FDFT1: variants seen among roughly 807,000 people sequenced by gnomAD.
FDFT1 encodes farnesyl-diphosphate farnesyltransferase 1, also known as squalene synthase.
In FDFT1, 68 loss-of-function variants were observed where a neutral mutation model predicts 46.8. That is an observed-to-expected ratio of 1.45 (90% CI 1.19 to 1.78). FDFT1 has a LOEUF of 1.78. Ranked by LOEUF, FDFT1 falls within the 40% of genes most tolerant of loss-of-function variation. The probability of loss-of-function intolerance (pLI) is 0.00; values close to 1 mark genes in which losing one functional copy is unlikely to be tolerated. For missense variants in FDFT1, 928 were observed against 524.4 expected (o/e 1.77, Z -7.52); for synonymous variants, 351 against 185.1 (o/e 1.90, Z -7.28).
In FDFT1 at chr8:11,838,495, C is replaced by A. The variant is rs981300579; in HGVS notation, c.1140C>A (p.Ser380Arg). Residue 380 changes from serine (S) to arginine (R), a missense_variant, in exon 8 of 8, where the codon AGC (serine) becomes AGA (arginine). Coordinates refer to ENST00000220584, the MANE Select transcript of FDFT1 (RefSeq NM_004462.5). The stretch of plus-strand genomic sequence containing the variant: ...CCAACTGTCAGCTGATTTCCCGAAG[C>A]CACTACTCCCCCATCTACCTGTCGT... ...NLPNCQLISRSHYSPIYLSFV... is the reference protein window; with the variant it reads ...NLPNCQLISRRHYSPIYLSFV... 3 of 1,606,290 alleles carry A rather than the reference C, an allele frequency of 1.9e-6. No homozygotes were observed. The highest frequency in any genetic ancestry group is 2.6e-6 in the Non-Finnish European group (3 of 1,175,270).
chr8:11,816,557 G>GTAGT (rs1342754330), intron 3 of FDFT1, among the ~76,000 whole-genome samples: 1 of 152,138 alleles, frequency 6.6e-6, no homozygotes, highest in Non-Finnish European at 1.5e-5. Context: ...GCAGTGGTTT[G>GTAGT]TAGTTCTCTT....
chr8:11,808,268 G>A (rs1256731393), intron 1 of FDFT1: 9 of 1,215,380 alleles, frequency 7.4e-6, no homozygotes, highest in Non-Finnish European at 9.2e-6. Flanking sequence ...GGGAGGACGA[G>A]CGAGCCGCTC....
At chr8:11,802,561 C>G (rs957057701), upstream of FDFT1, 1 of 603,708 alleles carries the variant, frequency 1.7e-6, no homozygotes. Flanking sequence ...ACGCCAGTCT[C>G]CTTCCGCGAC....
chr8:11,809,986 C>T (rs1807476880), intron 3 of FDFT1, 136 bp downstream of exon 3: 1 of 654,744 alleles, frequency 1.5e-6, no homozygotes, highest in Non-Finnish European at 2.5e-6. Flanking sequence ...GTTAAAAACT[C>T]CGGTAGCCAA....
chr8:11,801,902 G>A (rs1410854034), upstream of FDFT1: 1 of 451,408 alleles, frequency 2.2e-6, no homozygotes, highest in East Asian at 7.0e-5. Flanking sequence ...TGTTGGCCAG[G>A]ATGGTCTCGA....
chr8:11,826,405 C>G (rs1810001044), intron 5 of FDFT1, among the ~76,000 whole-genome samples, 190 bp downstream of exon 5: 1 of 152,176 alleles, frequency 6.6e-6, no homozygotes, highest in Admixed American at 6.5e-5. Flanking sequence ...GGATTCACAC[C>G]ACGTAATCAG....
chr8:11,801,180 CA>C (rs1489557336), upstream of FDFT1, among the ~76,000 whole-genome samples: 1 of 152,002 alleles, frequency 6.6e-6, no homozygotes, highest in Non-Finnish European at 1.5e-5. Context: ...GTCCTAGGGC[CA>C]GAGAAAGCAA....
intron 3 of FDFT1, among the ~76,000 whole-genome samples, chr8:11,818,135 G>T (rs1037975907): frequency 6.6e-6 from 1 of 152,180 alleles, no homozygotes; most frequent in Non-Finnish European, 1.5e-5. Context: ...AGTCATTCAG[G>T]AGCAGGTTGT....
rs778008431 is a variant in FDFT1, at chr8:11,839,153, A to T, written c.*544A>T. 1.3e-5 allele frequency: 2 copies of T among 154,766 alleles called. No homozygotes were observed. The highest frequency in any genetic ancestry group is 4.8e-5 in the African/African-American group (2 of 41,456). The allele number at this position is 154,766 out of a possible 1,614,324, so 9.6% of individuals were successfully genotyped here. A position where few individuals can be genotyped will look rare whatever the true frequency, so the allele number is the denominator to read the frequency against. On this transcript the variant is annotated 3_prime_UTR_variant, in exon 8 of 8. Coordinates refer to ENST00000220584, the MANE Select transcript of FDFT1 (RefSeq NM_004462.5). ...TTTCCACACAAAGGCTGGGAATAAAATTCTGGGTATTCTCGTATTCTCATT... is the reference window on the plus strand; with the variant it reads ...TTTCCACACAAAGGCTGGGAATAAATTTCTGGGTATTCTCGTATTCTCATT...
chr8:11,838,499 T>TAC lies in FDFT1; in HGVS notation c.1145_1146dup (p.Ser383ThrfsTer15), dbSNP rs1563351463. The stretch of plus-strand genomic sequence containing the variant: ...CTGTCAGCTGATTTCCCGAAGCCAC[T>TAC]ACTCCCCCATCTACCTGTCGTTTGT... On this transcript the variant is annotated frameshift_variant, in exon 8 of 8. Coordinates refer to ENST00000220584, the MANE Select transcript of FDFT1 (RefSeq NM_004462.5). LOFTEE classifies it high-confidence loss of function. 3 of 1,607,418 alleles carry TAC rather than the reference T, an allele frequency of 1.9e-6. No individual in the cohort carries two copies.
chr8:11,830,096 TC>T, intron 5 of FDFT1, 147 bp from the exon 6 acceptor site: 1 of 670,170 alleles, frequency 1.5e-6, no homozygotes, highest in Non-Finnish European at 2.6e-6. Flanking sequence ...TCCACCCTCC[TC>T]GGCCTCCCAA....
intron 3 of FDFT1, among the ~76,000 whole-genome samples, chr8:11,816,237 T>C (rs959188428): frequency 6.6e-6 from 1 of 152,250 alleles, no homozygotes; most frequent in African/African-American, 2.4e-5. Flanking sequence ...ATATCTGTTT[T>C]GGTACCAGTA....
intron 1 of FDFT1, among the ~76,000 whole-genome samples, chr8:11,807,546 C>T (rs963118254): frequency 6.6e-5 from 10 of 151,812 alleles, no homozygotes; most frequent in Admixed American, 2.6e-4. Flanking sequence ...CAAATAGGAA[C>T]CCGCCGTATT....
At position 11,826,033 on chromosome 8, in the gene FDFT1, T is replaced by C; in HGVS notation, c.520T>C (p.Tyr174His). Residue 174 changes from tyrosine (Y) to histidine (H), a missense_variant, in exon 5 of 8, where the codon TAT becomes CAT. Coordinates refer to ENST00000220584, the MANE Select transcript of FDFT1 (RefSeq NM_004462.5). ...SEQEWDKYCH[Y>H]VAGLVGIGLS... Reference sequence around the variant, plus strand: ...AAATCGTCTCTTACAGTACTGCCACTATGTTGCTGGGCTGGTCGGAATTGG... The same window carrying C: ...AAATCGTCTCTTACAGTACTGCCACCATGTTGCTGGGCTGGTCGGAATTGG... 7 of 1,577,822 alleles carry C rather than the reference T, an allele frequency of 4.4e-6. No homozygotes were observed. Among genetic ancestry groups the C allele is most frequent in the Non-Finnish European group, 6.1e-6 (7 of 1,153,612 alleles).
chr8:11,821,312 G>T (rs907508682), intron 3 of FDFT1, among the ~76,000 whole-genome samples: 26 of 152,182 alleles, frequency 1.7e-4, no homozygotes, highest in Admixed American at 5.9e-4. Context: ...GAAACATGAG[G>T]CCGGGCTCAG....
At chr8:11,833,235 G>A (rs1247719657) in intron 7 of FDFT1, among the ~76,000 whole-genome samples, 2 of 152,150 alleles carry the variant, frequency 1.3e-5, no homozygotes, top group Admixed American at 1.3e-4. Context: ...CTATGTGCCT[G>A]GGGTAGTGAC....
At chr8:11,809,174 C>G in intron 2 of FDFT1, 5 of 1,260,840 alleles carry the variant, frequency 4.0e-6, no homozygotes, top group African/African-American at 1.5e-5. Context: ...GTGAGCAGGT[C>G]GTGTATTTCT....
At chr8:11,825,230 T>C (rs928793433) in intron 4 of FDFT1, among the ~76,000 whole-genome samples, 5 of 152,120 alleles carry the variant, frequency 3.3e-5, no homozygotes, top group African/African-American at 1.2e-4. Flanking sequence ...TCTCATAGTT[T>C]TATGTATCAA....
At chr8:11,816,200 G>C (rs1468047439) in intron 3 of FDFT1, among the ~76,000 whole-genome samples, 1 of 152,128 alleles carries the variant, frequency 6.6e-6, no homozygotes. Flanking sequence ...TTATTTCTGA[G>C]GCCTCTGTTC....
Sources: allele counts gnomAD v4.1 joint callset (sites outside exome capture counted in the v4.1 genomes callset), GRCh38; gene constraint gnomAD v4.1.1; transcripts MANE v1.5; gene names NCBI Gene and HGNC (gene_info 2026-07-23, HGNC 2026-07-21).